RPA2: variants seen among roughly 807,000 people sequenced by gnomAD.
RPA2 encodes the protein replication protein A2.
A neutral mutation model predicts 33.4 loss-of-function variants in RPA2; 22 were observed. That is an observed-to-expected ratio of 0.66 (90% CI 0.47 to 0.94). The LOEUF (loss-of-function observed/expected upper bound fraction) is 0.94, where lower values mean the gene tolerates loss of function less well. RPA2 is among the 40% of genes least tolerant of loss of function. The pLI is 0.00. For missense variants in RPA2, 279 were observed against 329.9 expected (o/e 0.85, Z 1.19); for synonymous variants, 109 against 114.9 (o/e 0.95, Z 0.33).
rs530712904 is a variant in RPA2 at position 27,892,927 on chromosome 1, TAA to T, written c.729-682_729-681del. ...TAACAAATAACTATCACAAGCACCA[TAA>T]GTCAGTTTGTTTGATTGGTTTACTA... is the stretch of plus-strand genomic sequence containing the variant. On this transcript the variant is annotated intron_variant, in intron 8 of 8. Coordinates refer to ENST00000373912, the MANE Select transcript of RPA2 (RefSeq NM_002946.5). Among the ~76,000 whole-genome samples the T allele has an allele frequency of 1.2e-4, 18 of 152,300 alleles. No homozygotes were observed. In the South Asian group the frequency reaches 3.7e-3, roughly 32 times the overall value.
intron 2 of RPA2, among the ~76,000 whole-genome samples, chr1:27,913,106 C>G (rs1284121909): frequency 6.6e-6 from 1 of 151,972 alleles, no homozygotes; most frequent in Non-Finnish European, 1.5e-5. Flanking sequence ...GTGCCTGCCA[C>G]CACGCCTGGC....
chr1:27,899,398 G>A (rs1414127748), intron 4 of RPA2, among the ~76,000 whole-genome samples: 2 of 151,500 alleles, frequency 1.3e-5, no homozygotes, highest in African/African-American at 2.4e-5. Context: ...CCAGCTACTC[G>A]GGAGGCTGAG....
chr1:27,905,162 G>A (rs1227317265), intron 4 of RPA2, among the ~76,000 whole-genome samples: 6 of 152,070 alleles, frequency 3.9e-5, no homozygotes, highest in Non-Finnish European at 8.8e-5. Context: ...ATTGTAATAT[G>A]CTTTTCTCAA....
intron 2 of RPA2, among the ~76,000 whole-genome samples, chr1:27,911,951 G>A (rs1272475255): frequency 1.1e-4 from 16 of 151,876 alleles, no homozygotes; most frequent in Non-Finnish European, 2.2e-4. Flanking sequence ...AAAACTAGCC[G>A]GGTGTGGTGG....
At chr1:27,908,903 T>C (rs1321954949) in intron 2 of RPA2, among the ~76,000 whole-genome samples, 1 of 152,180 alleles carries the variant, frequency 6.6e-6, no homozygotes, top group Non-Finnish European at 1.5e-5. Context: ...GGGACAGGAT[T>C]TACCCTCAAC....
At chr1:27,906,329 T>C (rs544928185) in intron 4 of RPA2, among the ~76,000 whole-genome samples, 144 of 149,080 alleles carry the variant, frequency 9.7e-4, no homozygotes, top group Non-Finnish European at 1.1e-3. Context: ...ATTGCGCCAT[T>C]GCACTCCAGC....
At chr1:27,906,841 TA>T in intron 4 of RPA2, 86 bp downstream of exon 4, 1 of 848,766 alleles carries the variant, frequency 1.2e-6, no homozygotes, top group South Asian at 1.8e-5. Flanking sequence ...ATTATTTTTA[TA>T]AGAAAAAACT....
chr1:27,913,368 T>C (rs12125904), intron 2 of RPA2, among the ~76,000 whole-genome samples: 65,696 of 149,712 alleles, frequency 0.44, 15,059 homozygotes, highest in African/African-American at 0.58. Flanking sequence ...GCGGGTGGAT[T>C]ACCTGAGTTC....
At chr1:27,914,276 C>A in intron 1 of RPA2, 107 bp from the exon 2 acceptor site, 1 of 1,598,498 alleles carries the variant, frequency 6.3e-7, no homozygotes, top group Non-Finnish European at 8.5e-7. Context: ...GTCTCCCTAA[C>A]CTTCCTCGCC....
At chr1:27,913,299 C>G (rs1336628807) in intron 2 of RPA2, among the ~76,000 whole-genome samples, 1 of 150,482 alleles carries the variant, frequency 6.6e-6, no homozygotes, top group Non-Finnish European at 1.5e-5. Flanking sequence ...AATTTAAAAG[C>G]GACTTTGGGC....
In RPA2 at chr1:27,891,894, T is replaced by C; in HGVS notation, c.*269A>G. On this transcript the variant is annotated 3_prime_UTR_variant, in exon 9 of 9. Transcript: ENST00000373912. ...GGTAGCATCCTTCCAATTCCATCTATCTTGATGTTGTAACAAGCTTATTTG... is the reference window on the plus strand; with the variant it reads ...GGTAGCATCCTTCCAATTCCATCTACCTTGATGTTGTAACAAGCTTATTTG... 2.4e-6 allele frequency: 1 copy of C among 421,796 alleles called. No individual in the cohort carries two copies. Among genetic ancestry groups the C allele is most frequent in the Non-Finnish European group, 4.4e-6 (1 of 229,786 alleles). 26.1% of individuals were successfully genotyped at this position (421,796 alleles called of 1,614,324 possible).
intron 5 of RPA2, 21 bp downstream of exon 5, chr1:27,897,612 G>A (rs1328709973): frequency 1.3e-6 from 2 of 1,567,410 alleles, no homozygotes; most frequent in Admixed American, 1.8e-5. Context: ...CACTTTAACT[G>A]TTATTTTATT....
chr1:27,912,496 G>A (rs1231494870), intron 2 of RPA2, among the ~76,000 whole-genome samples: 1 of 152,094 alleles, frequency 6.6e-6, no homozygotes, highest in African/African-American at 2.4e-5. Flanking sequence ...AAGCTGCAGT[G>A]AGCTGTGATC....
chr1:27,906,959 G>A lies in RPA2; in HGVS notation c.302C>T (p.Pro101Leu). ...VYKIDDMTAA[P>L]MDVRQWVDTD... ...GTCAACCCACTGGCGAACGTCCATG[G>A]GTGCAGCTGTCATGTCATCTATTTT... Residue 101 changes from proline (P) to leucine (L), a missense_variant, in exon 4 of 9, where the codon CCC (proline) becomes CTC (leucine). Coordinates refer to ENST00000373912, the MANE Select transcript of RPA2 (RefSeq NM_002946.5). 1 of 1,613,552 alleles carries A rather than the reference G, an allele frequency of 6.2e-7. No individual in the cohort carries two copies. The highest frequency in any genetic ancestry group is 8.5e-7 in the Non-Finnish European group (1 of 1,179,850).
Position 27,907,036 on chromosome 1 carries a change from A to C in RPA2, c.225T>G (p.Thr75=). 6.2e-7 allele frequency: 1 copy of C among 1,608,026 alleles called. No homozygotes were observed. The highest frequency in any genetic ancestry group is 1.1e-5 in the South Asian group (1 of 89,472). ...CTGCATGTCTGATGATCCCCACAATAGTGACCTAGGTTAGAAGAAACAAAG... is the reference window on the plus strand; with the variant it reads ...CTGCATGTCTGATGATCCCCACAATCGTGACCTAGGTTAGAAGAAACAAAG... ...RIGNVEISQV[T]IVGIIRHAEK... Residue 75 remains threonine, a synonymous_variant, in exon 4 of 9, where the codon ACT becomes ACG. Transcript: ENST00000373912.
Position 27,894,374 on chromosome 1 carries a change from G to A in RPA2, c.549C>T (p.Ile183=). ...NSQPSAGRAP[I]SNPGMSEAGN... is the part of the protein sequence containing the mutation. ...CTGCTTCACTCATTCCTGGATTGCT[G>A]ATAGGTGCTCTCCCTGCTGAGGGCT... Residue 183 remains isoleucine (I), a synonymous_variant, in exon 7 of 9, where the codon ATC becomes ATT. Coordinates refer to ENST00000373912, the MANE Select transcript of RPA2 (RefSeq NM_002946.5). 1 of 1,613,786 alleles carries A rather than the reference G, an allele frequency of 6.2e-7. No individual in the cohort carries two copies. The highest frequency in any genetic ancestry group is 8.5e-7 in the Non-Finnish European group (1 of 1,179,968).
At chr1:27,911,812 G>A (rs936363144) in intron 2 of RPA2, among the ~76,000 whole-genome samples, 1 of 152,118 alleles carries the variant, frequency 6.6e-6, no homozygotes, top group Non-Finnish European at 1.5e-5. Context: ...TTATAAAGCG[G>A]CCGGGCACGG....
chr1:27,892,700 A>C (rs952385966), intron 8 of RPA2, among the ~76,000 whole-genome samples: 2 of 152,152 alleles, frequency 1.3e-5, no homozygotes, highest in African/African-American at 4.8e-5. Flanking sequence ...AAACCTTCAA[A>C]CCCTTCAAGG....
chr1:27,893,780 G>C (rs2089855037), intron 8 of RPA2, among the ~76,000 whole-genome samples: 1 of 151,326 alleles, frequency 6.6e-6, no homozygotes, highest in Admixed American at 6.6e-5. Flanking sequence ...GCTAATTTTT[G>C]TATTTTTAGT....
Sources: gnomAD v4.1 joint callset for allele counts (sites outside exome capture counted in the v4.1 genomes callset) on GRCh38, gnomAD v4.1.1 for gene constraint, MANE v1.5 for transcripts, NCBI Gene and HGNC (gene_info 2026-07-23, HGNC 2026-07-21) for gene names.